Variants in ARHGEF10L observed in about 807,000 individuals in gnomAD.
The protein encoded by ARHGEF10L is rho guanine nucleotide exchange factor 10-like protein.
Under a neutral mutation model 141.2 loss-of-function variants are expected in ARHGEF10L, and 69 were observed. The observed-to-expected ratio is 0.49, with a 90% CI of 0.40 to 0.60. ARHGEF10L has a LOEUF of 0.60. ARHGEF10L is among the 20% of genes least tolerant of loss of function. ARHGEF10L has a pLI of 0.00. For missense variants in ARHGEF10L, 1,482 were observed against 1,734.3 expected (o/e 0.85, Z 2.58); for synonymous variants, 711 against 718.5 (o/e 0.99, Z 0.17).
Position 17,601,072 on chromosome 1 carries a change from A to C in ARHGEF10L, c.258-1055A>C, listed in dbSNP as rs796295591. Among the ~76,000 whole-genome samples, 122 of 151,914 alleles carry C rather than the reference A, an allele frequency of 8.0e-4. 3 individuals carry two copies. The East Asian group carries it at 0.017, about 21-fold the overall frequency. On this transcript the variant is annotated intron_variant, in intron 4 of 28. Coordinates refer to ENST00000361221, the MANE Select transcript of ARHGEF10L (RefSeq NM_018125.4). The stretch of plus-strand genomic sequence containing the variant: ...CTCAAAAAAAAAAAAAAAAAAACAA[A>C]AAACAAAAAACTCTAAAAAAACAAA...
intron 1 of ARHGEF10L, among the ~76,000 whole-genome samples, chr1:17,567,407 C>T (rs887404252): frequency 6.6e-6 from 1 of 152,158 alleles, no homozygotes; most frequent in Non-Finnish European, 1.5e-5. Context: ...CACTCTGTCG[C>T]CCAGGCTGGA....
rs542972700 is a variant in ARHGEF10L at position 17,607,539 on chromosome 1, C to T, written c.434-263C>T. 1.3e-5 allele frequency among the ~76,000 whole-genome samples: 2 copies of T among 152,328 alleles called. No individual in the cohort carries two copies. Among genetic ancestry groups the T allele is most frequent in the South Asian group, 4.1e-4 (2 of 4,824 alleles). On this transcript the variant is annotated intron_variant, in intron 6 of 28. Coordinates refer to ENST00000361221, the MANE Select transcript of ARHGEF10L (RefSeq NM_018125.4). The surrounding 1 kb of genome is among the most constrained non-coding windows in gnomAD (Gnocchi z 4.5). ...GACCATACAAAAGCAGTGCTGGGAG[C>T]AAAAGGAAGTGAGCGGGCTTGTGCA...
chr1:17,557,553 A>AGCTCC (rs1339000678), intron 1 of ARHGEF10L, among the ~76,000 whole-genome samples: 14 of 152,130 alleles, frequency 9.2e-5, no homozygotes, highest in Non-Finnish European at 1.5e-4. Flanking sequence ...CAAAATAGGA[A>AGCTCC]TTCCTGAGCC....
intron 18 of ARHGEF10L, 49 bp from the exon 19 acceptor site, chr1:17,637,839 T>A (rs767904340): frequency 1.3e-6 from 2 of 1,508,556 alleles, no homozygotes; most frequent in Non-Finnish European, 9.0e-7. Context: ...ATGCTTGGCT[T>A]CTTGTTAGCG....
At chr1:17,562,591 G>A (rs1362532441) in intron 1 of ARHGEF10L, among the ~76,000 whole-genome samples, 1 of 152,234 alleles carries the variant, frequency 6.6e-6, no homozygotes, top group Non-Finnish European at 1.5e-5. Context: ...GAGCAGTGCT[G>A]AGATTTCAGG....
At chr1:17,610,553 G>A (rs1427471686) in intron 7 of ARHGEF10L, among the ~76,000 whole-genome samples, 1 of 152,198 alleles carries the variant, frequency 6.6e-6, no homozygotes, top group Non-Finnish European at 1.5e-5. Context: ...ACCCACTTCT[G>A]CCAGGGACTC....
At chr1:17,670,348 G>T (rs2063244496) in intron 26 of ARHGEF10L, among the ~76,000 whole-genome samples, 1 of 152,256 alleles carries the variant, frequency 6.6e-6, no homozygotes, top group African/African-American at 2.4e-5. Context: ...AGAGGCAGAA[G>T]CGAGGCCTGT....
intron 27 of ARHGEF10L, among the ~76,000 whole-genome samples, chr1:17,688,443 A>G (rs994443539): frequency 6.6e-6 from 1 of 152,222 alleles, no homozygotes; most frequent in African/African-American, 2.4e-5. Context: ...AGCTGGCTTC[A>G]GAGCAGACCA....
At chr1:17,530,268 G>C in the ARHGEF10L span, among the ~76,000 whole-genome samples, 1 of 152,146 alleles carries the variant, frequency 6.6e-6, no homozygotes, top group Non-Finnish European at 1.5e-5. Context: ...TGGCTTACCT[G>C]TAAGGAACAG....
At chr1:17,539,143 G>A (rs553830306), upstream of ARHGEF10L, among the ~76,000 whole-genome samples, 6 of 152,146 alleles carry the variant, frequency 3.9e-5, no homozygotes, top group East Asian at 1.2e-3. This position sits in a 1 kb window ranked among gnomAD's most constrained non-coding sequence, Gnocchi z 6.0. Context: ...TCTCAAAGCC[G>A]TCAATGCCTG....
intron 26 of ARHGEF10L, among the ~76,000 whole-genome samples, chr1:17,674,482 T>C (rs6663284): frequency 0.083 from 12,656 of 152,156 alleles, 1,459 homozygotes; most frequent in African/African-American, 0.25. Flanking sequence ...CGTGCCCAGC[T>C]GTGAGGCAGA....
At chr1:17,579,682 C>T (rs2078394311) in intron 1 of ARHGEF10L, among the ~76,000 whole-genome samples, 1 of 152,222 alleles carries the variant, frequency 6.6e-6, no homozygotes, top group South Asian at 2.1e-4. Flanking sequence ...AACAGGAACA[C>T]AGCCGGTTTG....
intron 4 of ARHGEF10L, among the ~76,000 whole-genome samples, chr1:17,588,888 G>C (rs1460643251): frequency 2.7e-5 from 3 of 109,620 alleles, no homozygotes; most frequent in South Asian, 3.4e-4. Flanking sequence ...GTGTGTGTGT[G>C]TGTGTGTGTG....
At chr1:17,677,092 G>A in intron 26 of ARHGEF10L, among the ~76,000 whole-genome samples, 1 of 152,110 alleles carries the variant, frequency 6.6e-6, no homozygotes, top group East Asian at 1.9e-4. Context: ...GCAGGACCAA[G>A]GAAAGGAGAT....
At chr1:17,617,748 G>T (rs904250976) in intron 9 of ARHGEF10L, among the ~76,000 whole-genome samples, 1 of 152,142 alleles carries the variant, frequency 6.6e-6, no homozygotes, top group African/African-American at 2.4e-5. Flanking sequence ...GTACAGTGGG[G>T]TGGCTGTCTG....
At chr1:17,643,208 A>G (rs1023560701) in intron 21 of ARHGEF10L, among the ~76,000 whole-genome samples, 4 of 152,192 alleles carry the variant, frequency 2.6e-5, no homozygotes, top group Admixed American at 2.6e-4. Flanking sequence ...TATGTTAAAA[A>G]CATTTATTCA....
At position 17,693,005 on chromosome 1, in the gene ARHGEF10L, G is replaced by T. The variant is rs191287532; in HGVS notation, c.3185-2153G>T. Among the ~76,000 whole-genome samples, 640 of 152,280 alleles carry T rather than the reference G, an allele frequency of 4.2e-3. 6 individuals carry two copies. Among genetic ancestry groups the T allele is most frequent in the Non-Finnish European group, 4.8e-3 (328 of 68,020 alleles). ...CTATCCTTCCAGGAAGTAGAGGGAG[G>T]CCTGAAGACCCGGGAATCCTCCACT... On this transcript the variant is annotated intron_variant, in intron 27 of 28. Transcript: ENST00000361221.
At chr1:17,679,565 G>C (rs547687633) in intron 26 of ARHGEF10L, among the ~76,000 whole-genome samples, 1 of 152,186 alleles carries the variant, frequency 6.6e-6, no homozygotes, top group East Asian at 1.9e-4. Context: ...CCTAAGCAGC[G>C]CGACTTTGCA....
intron 26 of ARHGEF10L, among the ~76,000 whole-genome samples, chr1:17,679,436 T>C (rs982095761): frequency 2.6e-5 from 4 of 152,130 alleles, no homozygotes; most frequent in Admixed American, 1.3e-4. Context: ...AGTGTCTTGG[T>C]TTGCCCAGGA....
Sources: allele counts gnomAD v4.1 joint callset (sites outside exome capture counted in the v4.1 genomes callset), GRCh38; gene constraint gnomAD v4.1.1; non-coding constraint Gnocchi (gnomAD v3.1); transcripts MANE v1.5; gene names NCBI Gene and HGNC (gene_info 2026-07-23, HGNC 2026-07-21).